TRIM4: variants seen among roughly 807,000 people sequenced by gnomAD.
The protein encoded by TRIM4 is E3 ubiquitin-protein ligase TRIM4.
In TRIM4, 29 loss-of-function variants were observed where a neutral mutation model predicts 33.7. The observed-to-expected ratio is 0.86, with a 90% CI of 0.64 to 1.17. TRIM4 has a LOEUF of 1.17. TRIM4 is among the 50% of genes most tolerant of loss of function. TRIM4 has a pLI of 0.00. For missense variants in TRIM4, 554 were observed against 593.7 expected (o/e 0.93, Z 0.69); for synonymous variants, 224 against 233.0 (o/e 0.96, Z 0.35).
intron 2 of TRIM4, 96 bp downstream of exon 2, chr7:99,909,469 G>A (rs1819386789): frequency 2.0e-6 from 2 of 1,023,938 alleles, no homozygotes; most frequent in East Asian, 2.5e-5. Flanking sequence ...TACGTGAACT[G>A]CAAAACCCCA....
chr7:99,916,728 G>A (rs1340589040), intron 1 of TRIM4: 18 of 781,000 alleles, frequency 2.3e-5, no homozygotes, highest in Middle Eastern at 2.3e-4. Flanking sequence ...TACAAGAGCA[G>A]CCTAATTAGT....
At chr7:99,915,900 G>T (rs1006843181) in intron 1 of TRIM4, among the ~76,000 whole-genome samples, 31 of 152,088 alleles carry the variant, frequency 2.0e-4, no homozygotes, top group Non-Finnish European at 3.1e-4. Context: ...AAGTGTAAAG[G>T]ATTAGGGGTT....
Position 99,919,220 on chromosome 7 carries a change from A to T in TRIM4, c.182T>A (p.Leu61Gln), listed in dbSNP as rs1267652135. 6.6e-7 allele frequency: 1 copy of T among 1,518,318 alleles called. No homozygotes were observed. Among genetic ancestry groups the T allele is most frequent in the Non-Finnish European group, 8.8e-7 (1 of 1,133,842 alleles). 94.1% of individuals were successfully genotyped at this position (1,518,318 alleles called of 1,614,324 possible). The part of the protein sequence containing the change: ...ECRHPSAPAA[L>Q]RPNWALARLT... ...CCTGGCCAGGGCCCAGTTGGGTCGC[A>T]GCGCGGCGGGCGCCGATGGGTGCCG... Residue 61 changes from leucine (L) to glutamine (Q), a missense_variant, in exon 1 of 6, where the codon CTG (leucine) becomes CAG (glutamine). Physicochemically the swap from Leu to Gln is moderately radical, Grantham distance 113. Around this residue, in one of 3 missense-constraint regions of TRIM4, gnomAD observed 233 missense variants for 203.1 expected, o/e 1.15. Transcript: ENST00000349062.
chr7:99,903,726 G>A (rs1819230565), intron 3 of TRIM4, 128 bp from the exon 4 acceptor site: 2 of 1,012,336 alleles, frequency 2.0e-6, no homozygotes, highest in Non-Finnish European at 3.1e-6. Context: ...TGCTGCCAAA[G>A]CCAACAGATT....
chr7:99,907,848 C>T (rs1291692038), intron 3 of TRIM4, among the ~76,000 whole-genome samples: 1 of 152,140 alleles, frequency 6.6e-6, no homozygotes, highest in Non-Finnish European at 1.5e-5. Flanking sequence ...ATCTTTTCAT[C>T]TTCATTCACG....
At chr7:99,918,184 G>A (rs1447228079) in intron 1 of TRIM4, among the ~76,000 whole-genome samples, 1 of 152,186 alleles carries the variant, frequency 6.6e-6, no homozygotes, top group African/African-American at 2.4e-5. Flanking sequence ...AGCCATACAA[G>A]CACCTGAAAC....
intron 5 of TRIM4, among the ~76,000 whole-genome samples, chr7:99,900,849 C>G (rs1023089263): frequency 2.0e-5 from 3 of 152,150 alleles, no homozygotes; most frequent in African/African-American, 7.2e-5. Flanking sequence ...ATCCTCTCCC[C>G]TGGTTGCATT....
At chr7:99,892,844 C>A in intron 5 of TRIM4, 98 bp from the exon 6 acceptor site, 2 of 1,057,396 alleles carry the variant, frequency 1.9e-6, no homozygotes, top group South Asian at 3.2e-5. Flanking sequence ...CTTTCTCCTC[C>A]TAACAAACAC....
Position 99,919,049 on chromosome 7 carries a change from T to C in TRIM4, c.353A>G (p.His118Arg), listed in dbSNP as rs1462812845. The change falls in exon 1 of 6, where the codon CAC becomes CGC. Residue 118 changes from histidine to arginine, a missense_variant. Around this residue, in one of 3 missense-constraint regions of TRIM4, gnomAD observed 233 missense variants for 203.1 expected, o/e 1.15. Transcript: ENST00000349062. ...VCRESQEHQT[H>R]AMAPIDEAFE... ...GGCCTCGTCGATGGGTGCCATGGCG[T>C]GAGTCTGGTGCTCCTGGGACTCCCT... is the stretch of plus-strand genomic sequence containing the variant. 1 of 1,582,018 alleles carries C rather than the reference T, an allele frequency of 6.3e-7. No homozygotes were observed. Among genetic ancestry groups the C allele is most frequent in the Non-Finnish European group, 8.6e-7 (1 of 1,166,186 alleles).
rs1819626687 is a variant in TRIM4 at position 99,919,037 on chromosome 7, G to T, written c.365C>A (p.Pro122His). Reference protein sequence around the residue: ...SQEHQTHAMAPIDEAFESYRE... With the variant: ...SQEHQTHAMAHIDEAFESYRE... ...GTAGCTCTCGAAGGCCTCGTCGATG[G>T]GTGCCATGGCGTGAGTCTGGTGCTC... The change falls in exon 1 of 6, where the codon CCC (proline) becomes CAC (histidine). Residue 122 changes from proline (P) to histidine (H), a missense_variant. Physicochemically the swap from Pro to His is moderately conservative, Grantham distance 77 (BLOSUM62 -2). Transcript: ENST00000349062. The T allele has an allele frequency of 1.9e-6, 3 of 1,586,720 alleles. No homozygotes were observed. Among genetic ancestry groups the T allele is most frequent in the African/African-American group, 1.4e-5 (1 of 73,032 alleles).
At chr7:99,907,125 T>C (rs1286579125) in intron 3 of TRIM4, among the ~76,000 whole-genome samples, 4 of 152,144 alleles carry the variant, frequency 2.6e-5, no homozygotes, top group Non-Finnish European at 5.9e-5. Context: ...TTTTGTTTTG[T>C]TTTGTTTTTT....
At chr7:99,905,316 A>G (rs1819274914) in intron 3 of TRIM4, among the ~76,000 whole-genome samples, 2 of 152,226 alleles carry the variant, frequency 1.3e-5, no homozygotes, top group African/African-American at 4.8e-5. Flanking sequence ...GGAATCATCT[A>G]CTAAAGCTGA....
At chr7:99,903,169 C>G (rs1319913439) in intron 5 of TRIM4, 49 bp downstream of exon 5, 2 of 1,388,414 alleles carry the variant, frequency 1.4e-6, no homozygotes, top group Non-Finnish European at 2.0e-6. Flanking sequence ...CTTTATTCTC[C>G]TATTTGAAAG....
At chr7:99,903,400 T>G (rs1819222621) in intron 4 of TRIM4, 85 bp from the exon 5 acceptor site, 2 of 1,353,044 alleles carry the variant, frequency 1.5e-6, no homozygotes, top group East Asian at 2.3e-5. Context: ...TAGCCCAAAG[T>G]TCAGATGGCT....
At chr7:99,909,760 T>C in intron 1 of TRIM4, 100 bp from the exon 2 acceptor site, 1 of 969,892 alleles carries the variant, frequency 1.0e-6, no homozygotes, top group Non-Finnish European at 1.5e-6. Flanking sequence ...TGAGACAAAG[T>C]CTCACTTTGT....
chr7:99,892,870 T>C, intron 5 of TRIM4, 124 bp from the exon 6 acceptor site: 3 of 839,370 alleles, frequency 3.6e-6, no homozygotes, highest in Non-Finnish European at 5.4e-6. Flanking sequence ...ACTCCACTGC[T>C]GCCCAACTGA....
At chr7:99,897,946 G>A (rs1819059642) in intron 5 of TRIM4, among the ~76,000 whole-genome samples, 2 of 152,204 alleles carry the variant, frequency 1.3e-5, no homozygotes, top group Non-Finnish European at 1.5e-5. Flanking sequence ...CAGATGGGGT[G>A]CAGCAAACCG....
intron 1 of TRIM4, among the ~76,000 whole-genome samples, chr7:99,909,884 G>C (rs772661593): frequency 6.6e-6 from 1 of 151,024 alleles, no homozygotes; most frequent in South Asian, 2.1e-4. Context: ...GGCATGCTCC[G>C]TCAGGTCCAA....
chr7:99,901,421 T>G (rs1203227723), intron 5 of TRIM4: 2 of 152,250 alleles, frequency 1.3e-5, no homozygotes, highest in Admixed American at 1.3e-4. Context: ...GGTCACTGCT[T>G]TCCTATCTTT....
Sources: gnomAD v4.1 joint callset for allele counts (sites outside exome capture counted in the v4.1 genomes callset) on GRCh38, gnomAD v4.1.1 for gene constraint, gnomAD v4.1.1 regional missense constraint, MANE v1.5 for transcripts, NCBI Gene and HGNC (gene_info 2026-07-23, HGNC 2026-07-21) for gene names.